The following CORIN variants were observed in gnomAD, a reference collection of about 807,000 sequenced individuals.
CORIN encodes the protein atrial natriuretic peptide-converting enzyme.
CORIN carries 117 observed loss-of-function variants against 125.3 expected under a neutral mutation model. The observed-to-expected ratio is 0.93, with a 90% confidence interval of 0.80 to 1.09. The LOEUF (loss-of-function observed/expected upper bound fraction) is 1.09. Among genes scored for constraint, CORIN ranks in the 50% least tolerant of loss-of-function variants. The pLI is 0.00. For missense variants in CORIN, 1,253 were observed against 1,306.7 expected (o/e 0.96, Z 0.63); for synonymous variants, 450 against 466.4 (o/e 0.96, Z 0.45).
chr4:47,817,768 C>A (rs1206445902), intron 1 of CORIN, among the ~76,000 whole-genome samples: 1 of 152,178 alleles, frequency 6.6e-6, no homozygotes, highest in Non-Finnish European at 1.5e-5. Flanking sequence ...AAGGGGAGAT[C>A]TCAATCCTTA....
intron 5 of CORIN, chr4:47,706,563 T>C (rs1726567553): frequency 6.2e-7 from 1 of 1,609,254 alleles, no homozygotes; most frequent in African/African-American, 1.3e-5. Context: ...TACATAGGAT[T>C]TGTGTTAGCC....
At chr4:47,673,378 A>G (rs1292737436) in intron 10 of CORIN, among the ~76,000 whole-genome samples, 1 of 141,744 alleles carries the variant, frequency 7.1e-6, no homozygotes, top group Non-Finnish European at 1.6e-5. Flanking sequence ...TCTGTCTCAG[A>G]AAAAAAAAAA....
At chr4:47,813,170 G>A (rs1317455479) in intron 1 of CORIN, among the ~76,000 whole-genome samples, 2 of 152,164 alleles carry the variant, frequency 1.3e-5, no homozygotes. Context: ...ACAATCTAAT[G>A]TTGAAACTGT....
chr4:47,637,052 A>G (rs1173549523), intron 16 of CORIN, among the ~76,000 whole-genome samples: 3 of 152,202 alleles, frequency 2.0e-5, no homozygotes, highest in Non-Finnish European at 2.9e-5. Context: ...GTGGTCTCAG[A>G]TGGAAATGAG....
intron 5 of CORIN, chr4:47,706,587 A>T: frequency 6.2e-7 from 1 of 1,605,976 alleles, no homozygotes; most frequent in Non-Finnish European, 8.5e-7. Context: ...GTGGCCGAAA[A>T]CGCCCAGTTC....
At chr4:47,832,762 T>C (rs1035608026) in intron 1 of CORIN, among the ~76,000 whole-genome samples, 1 of 151,986 alleles carries the variant, frequency 6.6e-6, no homozygotes, top group African/African-American at 2.4e-5. Flanking sequence ...CATCCTAAAA[T>C]CTTATATCAT....
chr4:47,601,642 T>C (rs997533935), intron 20 of CORIN, among the ~76,000 whole-genome samples: 2 of 152,136 alleles, frequency 1.3e-5, no homozygotes, highest in African/African-American at 4.8e-5. Flanking sequence ...AATATGGATA[T>C]TGTAGGAGGA....
chr4:47,606,732 T>C (rs1164304291), intron 19 of CORIN, among the ~76,000 whole-genome samples: 1 of 151,928 alleles, frequency 6.6e-6, no homozygotes, highest in Admixed American at 6.6e-5. Flanking sequence ...TTTTTCCTTC[T>C]TTTCCTTATT....
chr4:47,688,309 C>A (rs529800434), intron 6 of CORIN, among the ~76,000 whole-genome samples: 2 of 152,156 alleles, frequency 1.3e-5, no homozygotes, highest in Admixed American at 6.5e-5. Flanking sequence ...TTTTAAAATA[C>A]CATATTTAGG....
At chr4:47,776,856 T>TA (rs1441924694) in intron 3 of CORIN, among the ~76,000 whole-genome samples, 1 of 152,208 alleles carries the variant, frequency 6.6e-6, no homozygotes, top group Non-Finnish European at 1.5e-5. Flanking sequence ...TTAATCTGTT[T>TA]AAAAATAGAA....
rs555537622 is a variant in CORIN at position 47,668,393 on chromosome 4, C to T, written c.1358-3130G>A. On this transcript the variant is annotated intron_variant, in intron 10 of 21. Coordinates refer to ENST00000273857, the MANE Select transcript of CORIN (RefSeq NM_006587.4). ...TCACATTTATCCATACATGCCTTTG[C>T]ACACTTAGACAGGGATTTCTGTTTG... Among the ~76,000 whole-genome samples the T allele has an allele frequency of 3.9e-5, 6 of 152,354 alleles. 1 individual carries two copies. The South Asian group carries it at 1.2e-3, about 32-fold the overall frequency.
At chr4:47,741,268 A>T (rs1728383616) in intron 5 of CORIN, among the ~76,000 whole-genome samples, 1 of 152,074 alleles carries the variant, frequency 6.6e-6, no homozygotes, top group Non-Finnish European at 1.5e-5. Flanking sequence ...AAAATGGGCA[A>T]AGTATTTGAA....
At chr4:47,608,467 A>C (rs1721747888) in intron 19 of CORIN, among the ~76,000 whole-genome samples, 1 of 152,252 alleles carries the variant, frequency 6.6e-6, no homozygotes. Context: ...TCTGAAGTGC[A>C]AAGAACTTCA....
chr4:47,646,415 G>T (rs1723486597), intron 13 of CORIN, among the ~76,000 whole-genome samples: 1 of 152,188 alleles, frequency 6.6e-6, no homozygotes, highest in African/African-American at 2.4e-5. Flanking sequence ...AATATAATTT[G>T]TACAACATTA....
intron 5 of CORIN, among the ~76,000 whole-genome samples, chr4:47,738,161 T>C (rs1381699961): frequency 1.3e-5 from 2 of 152,066 alleles, no homozygotes; most frequent in Admixed American, 6.6e-5. Flanking sequence ...GAAGATCCCA[T>C]GAATGTGCAG....
intron 5 of CORIN, among the ~76,000 whole-genome samples, chr4:47,729,878 G>A (rs546461167): frequency 7.2e-5 from 11 of 152,242 alleles, no homozygotes; most frequent in Non-Finnish European, 1.5e-4. Flanking sequence ...AGAGAGGTTC[G>A]GCCACAGAGG....
At chr4:47,829,850 G>T (rs1336093893) in intron 1 of CORIN, among the ~76,000 whole-genome samples, 1 of 152,122 alleles carries the variant, frequency 6.6e-6, no homozygotes, top group African/African-American at 2.4e-5. Flanking sequence ...ATAGCCTTTA[G>T]ATTGAAAAAG....
intron 10 of CORIN, among the ~76,000 whole-genome samples, chr4:47,665,542 T>C (rs182438936): frequency 6.6e-6 from 1 of 152,304 alleles, no homozygotes; most frequent in East Asian, 1.9e-4. Context: ...GCTCAACTTA[T>C]CTAAAGATGA....
intron 1 of CORIN, among the ~76,000 whole-genome samples, chr4:47,824,748 T>C (rs1017563980): frequency 1.3e-5 from 2 of 152,178 alleles, no homozygotes; most frequent in Non-Finnish European, 2.9e-5. Context: ...TATCCAAGTC[T>C]AGATTTTGAA....
Sources: allele counts gnomAD v4.1 joint callset (sites outside exome capture counted in the v4.1 genomes callset), GRCh38; gene constraint gnomAD v4.1.1; transcripts MANE v1.5; gene names NCBI Gene and HGNC (gene_info 2026-07-23, HGNC 2026-07-21).